EPHA10: variants seen among roughly 807,000 people sequenced by gnomAD.
EPHA10 encodes EPH receptor A10.
A neutral mutation model predicts 109.7 loss-of-function variants in EPHA10; 120 were observed. That is an observed-to-expected ratio of 1.09 (90% CI 0.94 to 1.27). The LOEUF (loss-of-function observed/expected upper bound fraction) is 1.27, where lower values mean the gene tolerates loss of function less well. EPHA10 is among the 50% of genes most tolerant of loss of function. The pLI is 0.00. For missense variants in EPHA10, 1,396 were observed against 1,411.1 expected (o/e 0.99, Z 0.17); for synonymous variants, 640 against 618.9 (o/e 1.03, Z -0.51).
chr1:37,761,005 A>G, intron 3 of EPHA10: 1 of 326,876 alleles, frequency 3.1e-6, no homozygotes, highest in Non-Finnish European at 4.9e-6. Flanking sequence ...AATTGCTTGA[A>G]CCCAGGAGGT....
In EPHA10 at chr1:37,716,071, G is replaced by A. The variant is rs1645687203; in HGVS notation, c.*2301C>T. 1 of 516,626 alleles carries A rather than the reference G, an allele frequency of 1.9e-6. No homozygotes were observed. The highest frequency in any genetic ancestry group is 2.5e-5 in the Admixed American group (1 of 40,584). The allele number at this position is 516,626 out of a possible 1,614,324, so 32.0% of individuals were successfully genotyped here. A position where few individuals can be genotyped will look rare whatever the true frequency, so the allele number is the denominator to read the frequency against. On this transcript the variant is annotated 3_prime_UTR_variant, in exon 17 of 17. Transcript: ENST00000373048. The stretch of plus-strand genomic sequence containing the variant: ...CTCCGACTGGCCCCCTCCCTCCCAG[G>A]GTGAGCTCAGACCAGGGTAATGGGG...
At chr1:37,715,955 G>A, downstream of EPHA10, 4 of 579,956 alleles carry the variant, frequency 6.9e-6, no homozygotes, top group Non-Finnish European at 1.0e-5. Flanking sequence ...TCAAGCAACT[G>A]CCACTCAAAG....
chr1:37,720,744 C>A, intron 12 of EPHA10, 39 bp downstream of exon 12: 1 of 1,610,318 alleles, frequency 6.2e-7, no homozygotes, highest in South Asian at 1.1e-5. Flanking sequence ...GCCCGCTTTA[C>A]AGAATAAAGT....
intron 7 of EPHA10, among the ~76,000 whole-genome samples, chr1:37,727,969 G>A (rs1645922566): frequency 6.6e-6 from 1 of 152,172 alleles, no homozygotes; most frequent in Admixed American, 6.5e-5. Flanking sequence ...GGGGTGAATG[G>A]GCCTACGGGT....
chr1:37,748,998 C>G (rs1646282569), intron 5 of EPHA10, among the ~76,000 whole-genome samples: 3 of 147,134 alleles, frequency 2.0e-5, no homozygotes, highest in Non-Finnish European at 4.5e-5. Context: ...TCTCAGCTCA[C>G]TGCAACCTCC....
chr1:37,737,853 A>G (rs1272479414), intron 5 of EPHA10: 2 of 151,350 alleles, frequency 1.3e-5, no homozygotes, highest in Non-Finnish European at 2.9e-5. Context: ...ATGCTTGCTA[A>G]CCATTTATCT....
intron 3 of EPHA10, among the ~76,000 whole-genome samples, chr1:37,758,574 A>G (rs1410039714): frequency 6.6e-6 from 1 of 152,006 alleles, no homozygotes; most frequent in Non-Finnish European, 1.5e-5. Flanking sequence ...GACACCTTCA[A>G]TCTCTCTTGG....
chr1:37,721,397 T>C (rs1645793697), intron 11 of EPHA10, among the ~76,000 whole-genome samples: 1 of 145,428 alleles, frequency 6.9e-6, no homozygotes, highest in Non-Finnish European at 1.5e-5. Context: ...CACTGCACTC[T>C]AGCCTGGGCA....
intron 6 of EPHA10, chr1:37,734,619 A>G (rs966646928): frequency 4.4e-6 from 2 of 456,056 alleles, no homozygotes; most frequent in African/African-American, 4.0e-5. Flanking sequence ...CATTTGTTAC[A>G]TCACAGCTAA....
At chr1:37,757,234 T>A (rs1646398119) in intron 3 of EPHA10, among the ~76,000 whole-genome samples, 1 of 149,304 alleles carries the variant, frequency 6.7e-6, no homozygotes, top group Non-Finnish European at 1.5e-5. Flanking sequence ...AGAACAAAAG[T>A]CAAGGTCACT....
At chr1:37,729,832 C>T (rs1048159151) in intron 7 of EPHA10, among the ~76,000 whole-genome samples, 1 of 151,458 alleles carries the variant, frequency 6.6e-6, no homozygotes, top group African/African-American at 2.4e-5. Context: ...GTGATTGTGC[C>T]ACTACACTCC....
intron 11 of EPHA10, 29 bp from the exon 12 acceptor site, chr1:37,720,873 T>C (rs762629498): frequency 6.2e-7 from 1 of 1,612,676 alleles, no homozygotes; most frequent in Non-Finnish European, 8.5e-7. Context: ...ACACACATGC[T>C]AAGTTGTCCA....
At chr1:37,729,932 T>C (rs1645954153) in intron 7 of EPHA10, among the ~76,000 whole-genome samples, 1 of 151,452 alleles carries the variant, frequency 6.6e-6, no homozygotes, top group African/African-American at 2.4e-5. Context: ...ACTCTGCAGA[T>C]TGGGAGAACC....
At chr1:37,723,937 C>T (rs541041021) in intron 8 of EPHA10, among the ~76,000 whole-genome samples, 5 of 152,350 alleles carry the variant, frequency 3.3e-5, no homozygotes, top group South Asian at 2.1e-4. Context: ...AGCCACAGGC[C>T]GGTACTTGGG....
At chr1:37,758,154 CTA>C (rs1256338799) in intron 3 of EPHA10, among the ~76,000 whole-genome samples, 4 of 152,136 alleles carry the variant, frequency 2.6e-5, no homozygotes, top group African/African-American at 9.7e-5. Context: ...ATAAAACTGA[CTA>C]AAATCTGGCC....
At chr1:37,750,633 G>A (rs181761218) in intron 5 of EPHA10, among the ~76,000 whole-genome samples, 1 of 151,666 alleles carries the variant, frequency 6.6e-6, no homozygotes, top group Non-Finnish European at 1.5e-5. Context: ...AGGCTGGAGT[G>A]CAGTGGCACA....
intron 5 of EPHA10, among the ~76,000 whole-genome samples, chr1:37,739,937 T>C (rs1317763955): frequency 6.7e-6 from 1 of 148,972 alleles, no homozygotes; most frequent in Non-Finnish European, 1.5e-5. Context: ...CTACAAAAAA[T>C]CAAACAATTA....
chr1:37,732,048 G>C (rs779313374), intron 6 of EPHA10, among the ~76,000 whole-genome samples: 10 of 152,192 alleles, frequency 6.6e-5, no homozygotes, highest in Non-Finnish European at 1.0e-4. Context: ...CAACTGTCCT[G>C]CAAGGCTCAG....
chr1:37,736,714 AT>A (rs1222403237), intron 5 of EPHA10, among the ~76,000 whole-genome samples: 3 of 152,158 alleles, frequency 2.0e-5, no homozygotes, highest in East Asian at 1.9e-4. Flanking sequence ...TCTCAAAAAA[AT>A]AAAATAAAAT....
Sources: allele counts gnomAD v4.1 joint callset (sites outside exome capture counted in the v4.1 genomes callset), GRCh38; gene constraint gnomAD v4.1.1; transcripts MANE v1.5; gene names NCBI Gene and HGNC (gene_info 2026-07-23, HGNC 2026-07-21).